EWSR1: variants seen among roughly 807,000 people sequenced by gnomAD.
EWSR1 encodes the protein EWS RNA binding protein 1, also known as RNA-binding protein EWS.
Under a neutral mutation model 92.1 loss-of-function variants are expected in EWSR1, and 14 were observed. The observed-to-expected ratio is 0.15, with a 90% confidence interval of 0.10 to 0.24. EWSR1 has a LOEUF of 0.24. Ranked by LOEUF, EWSR1 falls within the 10% of genes least tolerant of loss-of-function variation. The pLI is 1.00. For missense variants in EWSR1, 637 were observed against 870.9 expected (o/e 0.73, Z 3.38); for synonymous variants, 303 against 292.9 (o/e 1.03, Z -0.35).
chr22:29,286,446 T>A (rs1034173959), intron 6 of EWSR1, among the ~76,000 whole-genome samples: 1 of 151,990 alleles, frequency 6.6e-6, no homozygotes, highest in Non-Finnish European at 1.5e-5. Flanking sequence ...CCCAGCACTT[T>A]GGGAGGCCGA....
intron 8 of EWSR1, chr22:29,290,335 C>T: frequency 1.3e-5 from 18 of 1,428,282 alleles, no homozygotes; most frequent in South Asian, 2.6e-5. Flanking sequence ...TTTTTCATTG[C>T]CTCAGTATTT....
In EWSR1 at chr22:29,285,080, A is replaced by G. The variant is rs951470116; in HGVS notation, c.582-1843A>G. On this transcript the variant is annotated intron_variant, in intron 6 of 16. Coordinates refer to ENST00000397938, the MANE Select transcript of EWSR1 (RefSeq NM_005243.4). ...GTGATCCACCCGTCTCTGCCTCCCA[A>G]AGTGCTGGGATTACAGGTGTGAGCC... Among the ~76,000 whole-genome samples the G allele has an allele frequency of 4.6e-4, 69 of 149,390 alleles. 1 individual carries two copies. Among genetic ancestry groups the G allele is most frequent in the Admixed American group, 4.3e-3 (65 of 15,146 alleles).
chr22:29,292,762 C>CT (rs34395867), intron 11 of EWSR1, among the ~76,000 whole-genome samples, 156 bp downstream of exon 11: 4,123 of 100,810 alleles, frequency 0.041, 109 homozygotes, highest in Non-Finnish European at 0.052. Context: ...AAAGATTAGC[C>CT]TTTTTTTTTT....
chr22:29,296,676 AAT>A (rs978851512), intron 12 of EWSR1, among the ~76,000 whole-genome samples: 20 of 151,986 alleles, frequency 1.3e-4, no homozygotes, highest in Non-Finnish European at 2.5e-4. Flanking sequence ...CATATAGATA[AAT>A]ATATATATTT....
chr22:29,278,583 G>A (rs1235762946), intron 5 of EWSR1, among the ~76,000 whole-genome samples: 1 of 152,202 alleles, frequency 6.6e-6, no homozygotes, highest in Non-Finnish European at 1.5e-5. Flanking sequence ...CCAGCACTTT[G>A]GGAGGCCGAG....
intron 4 of EWSR1, 121 bp downstream of exon 4, chr22:29,273,985 ATTC>A (rs1452709388): frequency 1.5e-6 from 2 of 1,295,338 alleles, no homozygotes; most frequent in African/African-American, 1.5e-5. Context: ...GGAATCCTTT[ATTC>A]TTAGGAAGAG....
At chr22:29,276,226 G>A (rs1454112176) in intron 4 of EWSR1, 1 of 230,136 alleles carries the variant, frequency 4.3e-6, no homozygotes, top group African/African-American at 2.2e-5. Flanking sequence ...GATGGTATTA[G>A]ATTCTAATTT....
At chr22:29,289,662 T>C (rs572746011) in intron 8 of EWSR1, 1 of 232,512 alleles carries the variant, frequency 4.3e-6, no homozygotes, top group Non-Finnish European at 8.5e-6. Flanking sequence ...ATGTTAGATA[T>C]TTACATTTGA....
At chr22:29,300,004 TTCC>T in intron 16 of EWSR1, 115 bp from the exon 17 acceptor site, 2 of 804,732 alleles carry the variant, frequency 2.5e-6, no homozygotes, top group East Asian at 6.0e-5. Context: ...CTGGAAGGGC[TTCC>T]TCACCCCTTC....
intron 3 of EWSR1, among the ~76,000 whole-genome samples, chr22:29,272,956 A>C (rs2058803603): frequency 6.6e-6 from 1 of 152,172 alleles, no homozygotes; most frequent in Non-Finnish European, 1.5e-5. Flanking sequence ...TTTCAAGATA[A>C]TGTTGAATTC....
In EWSR1 at chr22:29,287,125, G is replaced by A. The variant is rs867114602; in HGVS notation, c.784G>A (p.Gly262Arg). 6.2e-7 allele frequency: 1 copy of A among 1,613,962 alleles called. No individual in the cohort carries two copies. The highest frequency in any genetic ancestry group is 8.5e-7 in the Non-Finnish European group (1 of 1,179,938). ...ATATAGCCAACAGAGCAGCAGCTAC[G>A]GGCAGCAGAGTGAGTTGCTAAGAGA... ...SQYSQQSSSY[G>R]QQSSFRQDHP... Residue 262 changes from glycine (G) to arginine (R), a missense_variant, in exon 7 of 17, where the codon GGG becomes AGG. Gly to Arg is a moderately radical substitution (Grantham distance 125). Around this residue, in one of 5 missense-constraint regions of EWSR1, gnomAD observed 116 missense variants for 167.8 expected, o/e 0.69. Coordinates refer to ENST00000397938, the MANE Select transcript of EWSR1 (RefSeq NM_005243.4).
Position 29,297,934 on chromosome 22 carries a change from C to T in EWSR1, c.1402C>T (p.Pro468Ser). The change falls in exon 13 of 17, where the codon CCA (proline) becomes TCA (serine). Residue 468 changes from proline (P) to serine (S), a missense_variant. Around this residue, in one of 5 missense-constraint regions of EWSR1, gnomAD observed 363 missense variants for 447.8 expected, o/e 0.81. Transcript: ENST00000397938. ...ACCCCGTGAGGGCAGAGGCATGCCA[C>T]CACCACTCCGTGGAGGTACTTTTTC... is the stretch of plus-strand genomic sequence containing the variant. ...LPPREGRGMP[P>S]PLRGGPGGPG... is the part of the protein sequence containing the mutation. 1 of 1,613,824 alleles carries T rather than the reference C, an allele frequency of 6.2e-7. No individual in the cohort carries two copies. Among genetic ancestry groups the T allele is most frequent in the South Asian group, 1.1e-5 (1 of 91,064 alleles).
At chr22:29,293,236 G>A (rs1045463094) in intron 11 of EWSR1, among the ~76,000 whole-genome samples, 12 of 151,890 alleles carry the variant, frequency 7.9e-5, no homozygotes, top group Admixed American at 7.9e-4. Context: ...TCTAACTCCT[G>A]GCCACCTCAA....
intron 1 of EWSR1, among the ~76,000 whole-genome samples, chr22:29,270,067 GCCC>G (rs2058541860): frequency 6.6e-6 from 1 of 152,162 alleles, no homozygotes; most frequent in African/African-American, 2.4e-5. Flanking sequence ...AAGCTTTTGA[GCCC>G]TTCTGACCTT....
chr22:29,270,469 C>T (rs1053593834), intron 1 of EWSR1, among the ~76,000 whole-genome samples: 9 of 152,112 alleles, frequency 5.9e-5, no homozygotes, highest in South Asian at 2.1e-4. Flanking sequence ...AACCTAATAG[C>T]TTGCTTGAGG....
intron 11 of EWSR1, among the ~76,000 whole-genome samples, chr22:29,294,025 C>A (rs1207896567): frequency 6.6e-6 from 1 of 151,598 alleles, no homozygotes; most frequent in African/African-American, 2.4e-5. Flanking sequence ...CCTGCCAGCA[C>A]CCCTGGCTAA....
At chr22:29,281,757 T>G (rs131182) in intron 5 of EWSR1, among the ~76,000 whole-genome samples, 1 of 151,834 alleles carries the variant, frequency 6.6e-6, no homozygotes, top group East Asian at 1.9e-4. Context: ...ATTTTTTTTT[T>G]TGTATTTTTA....
At chr22:29,277,912 A>T (rs972949683) in intron 4 of EWSR1, 118 bp from the exon 5 acceptor site, 55 of 853,724 alleles carry the variant, frequency 6.4e-5, no homozygotes, top group Non-Finnish European at 9.4e-5. Context: ...GGGAATATTT[A>T]AAGGGATTCA....
Position 29,282,760 on chromosome 22 carries a change from CT to C in EWSR1, c.581+218del, listed in dbSNP as rs1228739280. On this transcript the variant is annotated intron_variant, in intron 6 of 16. Transcript: ENST00000397938. ...TGGCAGCTAATAACTATTCTTTTTTCTTTTTTTTTTTTTTTCCCCCGAGACG... is the reference window on the plus strand; with the variant it reads ...TGGCAGCTAATAACTATTCTTTTTTCTTTTTTTTTTTTTTCCCCCGAGACG... Among the ~76,000 whole-genome samples the C allele has an allele frequency of 8.9e-3, 1,264 of 142,310 alleles. 13 individuals are homozygous for C. The highest frequency in any genetic ancestry group is 0.02 in the African/African-American group (786 of 38,974). 93.4% of individuals were successfully genotyped at this position (142,310 alleles called of 152,430 possible).
Sources: allele counts gnomAD v4.1 joint callset (sites outside exome capture counted in the v4.1 genomes callset), GRCh38; gene constraint gnomAD v4.1.1; regional missense constraint gnomAD v4.1.1; transcripts MANE v1.5; gene names NCBI Gene and HGNC (gene_info 2026-07-23, HGNC 2026-07-21).